The following MOB3B variants were observed in gnomAD, a reference collection of about 807,000 sequenced individuals.
MOB3B encodes MOB kinase activator 3B, also known as MOB kinase activator-like 2B.
A neutral mutation model predicts 18.7 loss-of-function variants in MOB3B; 7 were observed. That is an observed-to-expected ratio of 0.37 (90% CI 0.21 to 0.70). MOB3B has a LOEUF of 0.70. MOB3B is among the 30% of genes least tolerant of loss of function. The pLI is 0.52. For synonymous variants in MOB3B, 111 were observed against 99.9 expected, an observed-to-expected ratio of 1.11 and a Z score of -0.66; for missense variants, 253 against 281.3, an observed-to-expected ratio of 0.90 and a Z score of 0.72.
At chr9:27,394,622 A>G (rs1410614255) in intron 2 of MOB3B, among the ~76,000 whole-genome samples, 2 of 152,202 alleles carry the variant, frequency 1.3e-5, no homozygotes, top group African/African-American at 4.8e-5. Context: ...GCAAATTTAG[A>G]TTTAGTGTAT....
At chr9:27,525,808 C>A (rs913776404) in intron 1 of MOB3B, among the ~76,000 whole-genome samples, 1 of 152,194 alleles carries the variant, frequency 6.6e-6, no homozygotes, top group South Asian at 2.1e-4. Flanking sequence ...AGTTAGAAGA[C>A]TACATTCTGT....
At chr9:27,388,893 C>T (rs1821687041) in intron 2 of MOB3B, among the ~76,000 whole-genome samples, 1 of 152,132 alleles carries the variant, frequency 6.6e-6, no homozygotes, top group South Asian at 2.1e-4. Flanking sequence ...CTCCTAAATT[C>T]ATCTTGAAAG....
rs753371240 is a variant in MOB3B, at chr9:27,483,683, T to C, written c.-198-27935A>G. ...TCATCGCTTGCTGCACAGATTATAT[T>C]TAATGTGAGGTGTGGGTGCACGTTG... On this transcript the variant is annotated intron_variant, in intron 1 of 3. Coordinates refer to ENST00000262244, the MANE Select transcript of MOB3B (RefSeq NM_024761.5). Among the ~76,000 whole-genome samples, 3 of 152,090 alleles carry C rather than the reference T, an allele frequency of 2.0e-5. No individual in the cohort carries two copies. In the East Asian group the frequency reaches 5.8e-4, roughly 29 times the overall value.
At chr9:27,333,629 GGT>G (rs1820820928) in intron 3 of MOB3B, among the ~76,000 whole-genome samples, 2 of 152,158 alleles carry the variant, frequency 1.3e-5, no homozygotes, top group South Asian at 4.1e-4. Flanking sequence ...GAAAGTTCCT[GGT>G]GACTGTGCTT....
intron 1 of MOB3B, among the ~76,000 whole-genome samples, chr9:27,515,069 GATT>G (rs1037596886): frequency 1.3e-5 from 2 of 152,118 alleles, no homozygotes; most frequent in African/African-American, 4.8e-5. Flanking sequence ...TACTTTAACA[GATT>G]ATATTATCTC....
chr9:27,335,824 A>G (rs1255012701), intron 3 of MOB3B, among the ~76,000 whole-genome samples: 2 of 152,114 alleles, frequency 1.3e-5, no homozygotes, highest in Non-Finnish European at 2.9e-5. Context: ...CTCAGTGCCC[A>G]TGACACCTTT....
At chr9:27,358,828 A>T (rs1821229955) in intron 3 of MOB3B, 1 of 749,296 alleles carries the variant, frequency 1.3e-6, no homozygotes, top group East Asian at 2.5e-5. Context: ...CACCTCTTGG[A>T]GGGTAATCTC....
chr9:27,470,447 G>C (rs1819453924), intron 1 of MOB3B, among the ~76,000 whole-genome samples: 1 of 152,074 alleles, frequency 6.6e-6, no homozygotes, highest in African/African-American at 2.4e-5. Context: ...CTAAATCCCT[G>C]CCCCTGCCCT....
At position 27,401,134 on chromosome 9, in the gene MOB3B, G is replaced by A. The variant is rs1821871645; in HGVS notation, c.419-41898C>T. Among the ~76,000 whole-genome samples, 3 of 152,162 alleles carry A rather than the reference G, an allele frequency of 2.0e-5. No individual in the cohort carries two copies. The South Asian group carries it at 6.2e-4, about 32-fold the overall frequency. The stretch of plus-strand genomic sequence containing the variant: ...GCCAGGGAACTGAAGAGCAGGGGCC[G>A]GGTGCTCCTTTCCAGCATGGGCCAC... On this transcript the variant is annotated intron_variant, in intron 2 of 3. Coordinates refer to ENST00000262244, the MANE Select transcript of MOB3B (RefSeq NM_024761.5).
intron 1 of MOB3B, among the ~76,000 whole-genome samples, chr9:27,462,981 A>C (rs1226362409): frequency 6.6e-6 from 1 of 152,268 alleles, no homozygotes; most frequent in Non-Finnish European, 1.5e-5. Flanking sequence ...ATTAAGAGGC[A>C]CTAAAGCCCA....
At chr9:27,372,449 T>C (rs1380231964) in intron 2 of MOB3B, among the ~76,000 whole-genome samples, 2 of 152,206 alleles carry the variant, frequency 1.3e-5, no homozygotes, top group African/African-American at 4.8e-5. Flanking sequence ...ATGAAGCTCT[T>C]GAGCGTGGGC....
chr9:27,508,473 A>T (rs1459310757), intron 1 of MOB3B, among the ~76,000 whole-genome samples: 1 of 152,198 alleles, frequency 6.6e-6, no homozygotes, highest in African/African-American at 2.4e-5. Context: ...TTCCCTGGGA[A>T]CATGGCTGAA....
intron 2 of MOB3B, among the ~76,000 whole-genome samples, chr9:27,444,583 C>T (rs1822661579): frequency 6.6e-6 from 1 of 152,146 alleles, no homozygotes; most frequent in South Asian, 2.1e-4. Context: ...ATTATAGACA[C>T]TACTTTCATC....
intron 1 of MOB3B, among the ~76,000 whole-genome samples, chr9:27,476,676 C>G (rs1010841485): frequency 1.3e-5 from 2 of 152,150 alleles, no homozygotes. Context: ...ATCACTGTCC[C>G]CTCTTCCTGA....
At chr9:27,506,155 G>A (rs1820056409) in intron 1 of MOB3B, among the ~76,000 whole-genome samples, 1 of 152,148 alleles carries the variant, frequency 6.6e-6, no homozygotes, top group African/African-American at 2.4e-5. Context: ...AGTTTTTCTT[G>A]GGAACCACTG....
intron 1 of MOB3B, among the ~76,000 whole-genome samples, chr9:27,476,889 T>C (rs1440183471): frequency 1.3e-5 from 2 of 152,262 alleles, no homozygotes; most frequent in East Asian, 3.9e-4. Context: ...TCCTGGGAGA[T>C]GAAAACTTAC....
At chr9:27,377,994 A>C (rs1168580808) in intron 2 of MOB3B, among the ~76,000 whole-genome samples, 2 of 152,244 alleles carry the variant, frequency 1.3e-5, no homozygotes, top group East Asian at 3.9e-4. Context: ...CCTTCCCCCA[A>C]GAAGCCAACA....
chr9:27,433,563 T>C (rs1483208203), intron 2 of MOB3B, among the ~76,000 whole-genome samples: 5 of 152,186 alleles, frequency 3.3e-5, no homozygotes, highest in South Asian at 2.1e-4. Context: ...GCCTTCTTCA[T>C]GGGGCCAAGG....
intron 2 of MOB3B, among the ~76,000 whole-genome samples, chr9:27,393,144 C>T (rs1288121096): frequency 1.3e-5 from 2 of 152,190 alleles, no homozygotes; most frequent in African/African-American, 2.4e-5. Flanking sequence ...CAGTTCTACA[C>T]CTTGTTTGTC....
Sources: allele counts gnomAD v4.1 joint callset (sites outside exome capture counted in the v4.1 genomes callset), GRCh38; gene constraint gnomAD v4.1.1; transcripts MANE v1.5; gene names NCBI Gene and HGNC (gene_info 2026-07-23, HGNC 2026-07-21).